IGF2BP2: variants seen among roughly 807,000 people sequenced by gnomAD.
IGF2BP2 encodes insulin like growth factor 2 mRNA binding protein 2, also known as insulin-like growth factor 2 mRNA-binding protein 2.
A neutral mutation model predicts 75.8 loss-of-function variants in IGF2BP2; 17 were observed. The ratio of observed to expected loss-of-function variants is 0.22; its 90% CI spans 0.15 to 0.34. The LOEUF is 0.34. IGF2BP2 is among the 10% of genes least tolerant of loss of function. IGF2BP2 has a pLI of 1.00. For synonymous variants in IGF2BP2, 288 were observed against 295.6 expected (o/e 0.97, Z 0.26); for missense variants, 516 against 772.4 (o/e 0.67, Z 3.93).
intron 2 of IGF2BP2, among the ~76,000 whole-genome samples, chr3:185,754,771 C>T (rs1342020696): frequency 1.3e-5 from 2 of 152,084 alleles, no homozygotes; most frequent in Non-Finnish European, 1.5e-5. Flanking sequence ...GTGTTCATGT[C>T]CTAGGGATAC....
intron 2 of IGF2BP2, among the ~76,000 whole-genome samples, chr3:185,768,657 T>C (rs1315045693): frequency 6.6e-6 from 1 of 152,216 alleles, no homozygotes; most frequent in Non-Finnish European, 1.5e-5. Flanking sequence ...ATCATGTGAC[T>C]AGGACAGCAC....
chr3:185,756,286 G>C (rs903266176), intron 2 of IGF2BP2, among the ~76,000 whole-genome samples: 41 of 152,252 alleles, frequency 2.7e-4, no homozygotes, highest in African/African-American at 8.9e-4. Flanking sequence ...CTCACCAGAA[G>C]CCAGGCAGAT....
intron 1 of IGF2BP2, among the ~76,000 whole-genome samples, chr3:185,824,494 G>A (rs1243659749): frequency 6.6e-6 from 1 of 151,796 alleles, no homozygotes; most frequent in Non-Finnish European, 1.5e-5. Flanking sequence ...AGGCGAACGA[G>A]GGGTGCCCCT....
intron 2 of IGF2BP2, among the ~76,000 whole-genome samples, chr3:185,804,962 C>T (rs1738808709): frequency 6.7e-6 from 1 of 149,574 alleles, no homozygotes; most frequent in Admixed American, 6.7e-5. Flanking sequence ...CACTGCACTC[C>T]AGCCTGGGTG....
chr3:185,736,323 C>CT (rs1239728017), intron 2 of IGF2BP2, among the ~76,000 whole-genome samples: 2 of 152,222 alleles, frequency 1.3e-5, no homozygotes, highest in African/African-American at 4.8e-5. Flanking sequence ...CACACTCCTC[C>CT]TTTTAAGACT....
chr3:185,777,152 A>G (rs1355197975), intron 2 of IGF2BP2, among the ~76,000 whole-genome samples: 1 of 152,218 alleles, frequency 6.6e-6, no homozygotes, highest in Non-Finnish European at 1.5e-5. Flanking sequence ...AATGTTGTCA[A>G]TAGCTTCTTG....
chr3:185,702,164 C>A (rs1224785775), intron 2 of IGF2BP2, among the ~76,000 whole-genome samples: 2 of 152,166 alleles, frequency 1.3e-5, no homozygotes, highest in Admixed American at 6.5e-5. Flanking sequence ...AGGACAGGTT[C>A]CTTGTTTACT....
At position 185,689,547 on chromosome 3, in the gene IGF2BP2, G is replaced by C. The variant is rs1168937232; in HGVS notation, c.485C>G (p.Ser162Cys). Residue 162 changes from serine to cysteine, a missense_variant, in exon 6 of 16, where the codon TCC becomes TGC. This residue lies in a region of IGF2BP2 where 312 missense variants were observed against 474.5 expected (regional missense o/e 0.66). Transcript: ENST00000382199. Reference sequence around the variant, plus strand: ...CTGGGCTCGCTGAGGGGGCGAAGGGGAGCTCACCTCTTCATCCGGGATGTA... The same window carrying C: ...CTGGGCTCGCTGAGGGGGCGAAGGGCAGCTCACCTCTTCATCCGGGATGTA... ...ISYIPDEEVS[S>C]PSPPQRAQRG... 6.2e-7 allele frequency: 1 copy of C among 1,614,234 alleles called. No individual in the cohort carries two copies. The highest frequency in any genetic ancestry group is 1.1e-5 in the South Asian group (1 of 91,086).
At chr3:185,793,530 G>A (rs1342290266) in intron 2 of IGF2BP2, among the ~76,000 whole-genome samples, 3 of 152,152 alleles carry the variant, frequency 2.0e-5, no homozygotes, top group Admixed American at 6.6e-5. Context: ...CTGCTAACAT[G>A]AGCCTACATG....
chr3:185,657,441 C>A (rs1460436668), intron 11 of IGF2BP2, 39 bp from the exon 12 acceptor site: 1 of 1,496,622 alleles, frequency 6.7e-7, no homozygotes, highest in East Asian at 2.3e-5. Context: ...TCATTCCAAC[C>A]AGGCTTTCTC....
Position 185,715,931 on chromosome 3 carries a change from C to T in IGF2BP2, c.240-17584G>A, listed in dbSNP as rs924711923. Among the ~76,000 whole-genome samples the T allele has an allele frequency of 5.3e-5, 8 of 152,172 alleles. No individual in the cohort carries two copies. In the East Asian group the frequency reaches 1.5e-3, roughly 29 times the overall value. On this transcript the variant is annotated intron_variant, in intron 2 of 15. Transcript: ENST00000382199. ...AAAGTGCTGGGATTATAGCTGTGAG[C>T]CACCACGCCCAGCCTGATTCCTCAC...
At chr3:185,765,021 T>C (rs1732863710) in intron 2 of IGF2BP2, among the ~76,000 whole-genome samples, 2 of 152,252 alleles carry the variant, frequency 1.3e-5, no homozygotes, top group African/African-American at 2.4e-5. Flanking sequence ...CCTTTGCTAA[T>C]TTTATCTCAA....
At chr3:185,689,294 G>A in intron 6 of IGF2BP2, 61 bp downstream of exon 6, 2 of 1,556,946 alleles carry the variant, frequency 1.3e-6, no homozygotes, top group Non-Finnish European at 1.7e-6. Context: ...GAGTGGCTGA[G>A]ACCCACCAGC....
At chr3:185,756,089 G>A (rs982563925) in intron 2 of IGF2BP2, among the ~76,000 whole-genome samples, 14 of 152,154 alleles carry the variant, frequency 9.2e-5, no homozygotes, top group Non-Finnish European at 1.9e-4. Context: ...AGATCATGGA[G>A]GTGGATCCTT....
intron 13 of IGF2BP2, among the ~76,000 whole-genome samples, chr3:185,651,682 A>C (rs1260905807): frequency 6.6e-6 from 1 of 152,236 alleles, no homozygotes; most frequent in Non-Finnish European, 1.5e-5. Context: ...AAAGGCAAAA[A>C]CAAAACAAAG....
chr3:185,728,543 TC>T (rs1357250285), intron 2 of IGF2BP2: 1 of 152,162 alleles, frequency 6.6e-6, no homozygotes, highest in Non-Finnish European at 1.5e-5. Context: ...TTTGGCCATT[TC>T]CCCAGCCCAT....
chr3:185,762,577 T>C (rs1732527092), intron 2 of IGF2BP2, among the ~76,000 whole-genome samples: 1 of 151,370 alleles, frequency 6.6e-6, no homozygotes, highest in Non-Finnish European at 1.5e-5. Context: ...GACACAAATT[T>C]GGGAAATACC....
At chr3:185,779,422 AG>A (rs1382931967) in intron 2 of IGF2BP2, among the ~76,000 whole-genome samples, 1 of 152,172 alleles carries the variant, frequency 6.6e-6, no homozygotes, top group African/African-American at 2.4e-5. Flanking sequence ...CTAACTTTAA[AG>A]GTCAAGATGA....
At chr3:185,664,461 G>A (rs1490534988) in intron 10 of IGF2BP2, among the ~76,000 whole-genome samples, 1 of 152,186 alleles carries the variant, frequency 6.6e-6, no homozygotes, top group African/African-American at 2.4e-5. Context: ...ATGAAGGAGA[G>A]AAGCCCAGCT....
Sources: gnomAD v4.1 joint callset for allele counts (sites outside exome capture counted in the v4.1 genomes callset) on GRCh38, gnomAD v4.1.1 for gene constraint, gnomAD v4.1.1 regional missense constraint, MANE v1.5 for transcripts, NCBI Gene and HGNC (gene_info 2026-07-23, HGNC 2026-07-21) for gene names.